The following ITPR1 variants were observed in gnomAD, a reference collection of about 807,000 sequenced individuals.
The protein encoded by ITPR1 is inositol 1,4,5-trisphosphate receptor type 1.
A neutral mutation model predicts 318.4 loss-of-function variants in ITPR1; 96 were observed. The observed-to-expected ratio is 0.30, with a 90% confidence interval of 0.26 to 0.36. The LOEUF (loss-of-function observed/expected upper bound fraction) is 0.36, where lower values mean the gene tolerates loss of function less well. Ranked by LOEUF, ITPR1 falls within the 10% of genes least tolerant of loss-of-function variation. The pLI, the probability that ITPR1 is intolerant of heterozygous loss-of-function variation, is 1.00. For synonymous variants in ITPR1, 1,312 were observed against 1,289.9 expected, an observed-to-expected ratio of 1.02 and a Z score of -0.37; for missense variants, 2,440 against 3,460.2, an observed-to-expected ratio of 0.71 and a Z score of 7.40.
At position 4,768,653 on chromosome 3, in the gene ITPR1, C is replaced by A. The variant is rs776898859; in HGVS notation, c.5868C>A (p.Ala1956=). 3.1e-6 allele frequency: 5 copies of A among 1,613,984 alleles called. No homozygotes were observed. In the East Asian group the frequency reaches 1.1e-4, roughly 36 times the overall value. Reference sequence around the variant, plus strand: ...ACCAGCCTGGAGAGGGCACCCAGGCCACTGCCGACAAGGCCAAGGACGACC... The same window carrying A: ...ACCAGCCTGGAGAGGGCACCCAGGCAACTGCCGACAAGGCCAAGGACGACC... ...DHYQPGEGTQ[A]TADKAKDDLE... Residue 1956 remains alanine (A), a synonymous_variant, in exon 46 of 62, where the codon GCC becomes GCA. Transcript: ENST00000649015.
At chr3:4,537,500 T>C (rs1444039364) in intron 4 of ITPR1, among the ~76,000 whole-genome samples, 1 of 152,224 alleles carries the variant, frequency 6.6e-6, no homozygotes, top group Non-Finnish European at 1.5e-5. Context: ...ATGTTACCTG[T>C]GAATATGTTA....
intron 16 of ITPR1, 61 bp from the exon 17 acceptor site, chr3:4,665,077 C>G: frequency 6.4e-7 from 1 of 1,574,534 alleles, no homozygotes; most frequent in South Asian, 1.1e-5. Context: ...TACTTCCAAA[C>G]AGAGGGTTAG....
intron 5 of ITPR1, among the ~76,000 whole-genome samples, chr3:4,629,064 C>CTAAGCATGAGACACG (rs11272465): frequency 0.14 from 21,708 of 152,122 alleles, 2,945 homozygotes; most frequent in African/African-American, 0.35. Context: ...ATGAGGACAC[C>CTAAGCATGAGACACG]TAAGCTCACT....
rs1299113231 is a variant in ITPR1, at chr3:4,692,134, G to A, written c.4029+790G>A. On this transcript the variant is annotated intron_variant, in intron 32 of 61. Coordinates refer to ENST00000649015, the MANE Select transcript of ITPR1 (RefSeq NM_001378452.1). ...TCCAGCCTGGGCAACAGAGTGAGAC[G>A]TTGTCTCTTAGAAAAAAAATAAAAA... 6.8e-4 allele frequency among the ~76,000 whole-genome samples: 83 copies of A among 121,436 alleles called. 1 individual carries two copies. The highest frequency in any genetic ancestry group is 4.0e-3 in the Middle Eastern group (1 of 248). 79.7% of individuals were successfully genotyped at this position (121,436 alleles called of 152,430 possible).
At chr3:4,629,913 G>A (rs1445701690) in intron 5 of ITPR1, among the ~76,000 whole-genome samples, 2 of 152,154 alleles carry the variant, frequency 1.3e-5, no homozygotes, top group African/African-American at 2.4e-5. Context: ...AGACTTGGAG[G>A]CTAGTGATTG....
intron 4 of ITPR1, among the ~76,000 whole-genome samples, chr3:4,619,841 T>C (rs1174775172): frequency 9.9e-6 from 1 of 100,950 alleles, no homozygotes; most frequent in Admixed American, 1.2e-4. Flanking sequence ...CCCTCTCCCC[T>C]CTCCTTCTCT....
intron 44 of ITPR1, among the ~76,000 whole-genome samples, chr3:4,736,794 T>C (rs1185791722): frequency 1.3e-5 from 2 of 152,210 alleles, no homozygotes; most frequent in African/African-American, 4.8e-5. Flanking sequence ...CTCCTTGTCT[T>C]AGAACCACAT....
intron 5 of ITPR1, among the ~76,000 whole-genome samples, chr3:4,638,112 C>T (rs554066568): frequency 1.5e-4 from 23 of 152,164 alleles, no homozygotes; most frequent in South Asian, 2.1e-4. Context: ...CCCAAGACCA[C>T]GTCCAGAAGA....
intron 59 of ITPR1, 38 bp downstream of exon 59, chr3:4,815,256 G>A (rs1559945517): frequency 1.2e-6 from 2 of 1,605,206 alleles, no homozygotes; most frequent in East Asian, 2.2e-5. Flanking sequence ...GGGCGTGAAG[G>A]CCCAGCGTGG....
intron 56 of ITPR1, among the ~76,000 whole-genome samples, chr3:4,812,723 T>G (rs1384082895): frequency 1.3e-5 from 2 of 152,186 alleles, no homozygotes; most frequent in Non-Finnish European, 2.9e-5. Context: ...CCTCCCAAGT[T>G]GACACTAAGT....
chr3:4,811,606 CT>C, intron 56 of ITPR1, 146 bp downstream of exon 56: 1 of 640,966 alleles, frequency 1.6e-6, no homozygotes, highest in Non-Finnish European at 2.6e-6. Flanking sequence ...AAATACAGGT[CT>C]TCATTCTCAC....
chr3:4,640,424 A>C lies in ITPR1; in HGVS notation c.366+954A>C, dbSNP rs1386336756. Among the ~76,000 whole-genome samples, 8 of 152,166 alleles carry C rather than the reference A, an allele frequency of 5.3e-5. 1 individual carries two copies. Among genetic ancestry groups the C allele is most frequent in the African/African-American group, 1.7e-4 (7 of 41,438 alleles). On this transcript the variant is annotated intron_variant, in intron 6 of 61. Coordinates refer to ENST00000649015, the MANE Select transcript of ITPR1 (RefSeq NM_001378452.1). ...AGATTAGATCCTGCCAGTCCCACTC[A>C]TGCACTTCCTCCTCCTTAAGTTCCA...
At chr3:4,633,518 G>T (rs954803168) in intron 5 of ITPR1, among the ~76,000 whole-genome samples, 1 of 152,158 alleles carries the variant, frequency 6.6e-6, no homozygotes, top group Admixed American at 6.5e-5. Flanking sequence ...TAGTTGTCTA[G>T]ACCACTTGAC....
chr3:4,633,693 C>T (rs1237472445), intron 5 of ITPR1, among the ~76,000 whole-genome samples: 1 of 152,278 alleles, frequency 6.6e-6, no homozygotes, highest in Admixed American at 6.5e-5. Context: ...TCTTCCCATC[C>T]GCAAATCACA....
chr3:4,530,509 C>T (rs1055672927), intron 4 of ITPR1, among the ~76,000 whole-genome samples: 1 of 152,220 alleles, frequency 6.6e-6, no homozygotes, highest in Non-Finnish European at 1.5e-5. Flanking sequence ...GTAGGCTGGG[C>T]ATGGTGGCTC....
At chr3:4,611,421 A>G (rs2092111138) in intron 4 of ITPR1, among the ~76,000 whole-genome samples, 3 of 151,838 alleles carry the variant, frequency 2.0e-5, no homozygotes, top group Non-Finnish European at 2.9e-5. Flanking sequence ...TTAGCTGGGC[A>G]TGGTGGCACG....
chr3:4,717,547 G>C, intron 40 of ITPR1, 148 bp downstream of exon 40: 1 of 737,948 alleles, frequency 1.4e-6, no homozygotes, highest in Non-Finnish European at 2.4e-6. Flanking sequence ...AGTGGAGTCT[G>C]TCGTGTCTGT....
intron 56 of ITPR1, among the ~76,000 whole-genome samples, chr3:4,812,359 A>G (rs2106488365): frequency 6.6e-6 from 1 of 152,296 alleles, no homozygotes; most frequent in Non-Finnish European, 1.5e-5. Context: ...TAAAAATTAA[A>G]AAGCCCATAT....
In ITPR1 at chr3:4,639,381, C is replaced by G; in HGVS notation, c.280-3C>G. 6.4e-7 allele frequency: 1 copy of G among 1,560,794 alleles called. No homozygotes were observed. The stretch of plus-strand genomic sequence containing the variant: ...GTGATCAATCTTTCTTCTCAATGCA[C>G]AGCACGCTGCAGACTTGGAAAAGAA... On this transcript the variant is annotated splice_region_variant and splice_polypyrimidine_tract_variant and intron_variant, in intron 5 of 61. Transcript: ENST00000649015.
Sources: allele counts gnomAD v4.1 joint callset (sites outside exome capture counted in the v4.1 genomes callset), GRCh38; gene constraint gnomAD v4.1.1; transcripts MANE v1.5; gene names NCBI Gene and HGNC (gene_info 2026-07-23, HGNC 2026-07-21).